NOL4: variants seen among roughly 807,000 people sequenced by gnomAD.
The protein encoded by NOL4 is nucleolar protein 4.
In NOL4, 17 loss-of-function variants were observed where a neutral mutation model predicts 75.9. The ratio of observed to expected loss-of-function variants is 0.22; its 90% CI spans 0.15 to 0.34. NOL4 has a LOEUF of 0.34. Ranked by LOEUF, NOL4 falls within the 10% of genes least tolerant of loss-of-function variation. The probability of loss-of-function intolerance (pLI) is 1.00; values close to 1 mark genes in which losing one functional copy is unlikely to be tolerated. For synonymous variants in NOL4, 292 were observed against 289.9 expected (o/e 1.01, Z -0.07); for missense variants, 614 against 793.5 (o/e 0.77, Z 2.72).
chr18:34,128,738 G>C (rs1052779603), intron 2 of NOL4: 5 of 229,474 alleles, frequency 2.2e-5, no homozygotes, highest in Non-Finnish European at 3.6e-5. Flanking sequence ...ATGTATTAGG[G>C]GTTATTATGC....
At chr18:33,896,064 G>A (rs116844291) in intron 9 of NOL4, among the ~76,000 whole-genome samples, 2,824 of 151,898 alleles carry the variant, frequency 0.019, 43 homozygotes, top group Non-Finnish European at 0.026. Context: ...GACTCAAAAA[G>A]AATAAAATAC....
chr18:34,105,958 A>G (rs1423075780), intron 2 of NOL4, among the ~76,000 whole-genome samples: 1 of 152,084 alleles, frequency 6.6e-6, no homozygotes, highest in Non-Finnish European at 1.5e-5. Flanking sequence ...CTTATGTGAA[A>G]CTGATAGATA....
Position 33,958,272 on chromosome 18 carries a change from G to T in NOL4, c.1203C>A (p.Asp401Glu), listed in dbSNP as rs141277558. 1.2e-5 allele frequency: 19 copies of T among 1,613,522 alleles called. No individual in the cohort carries two copies. The highest frequency in any genetic ancestry group is 1.7e-5 in the Admixed American group (1 of 59,978). ...HDDSEKVNET[D>E]GVEAERLKAF... is the part of the protein sequence containing the mutation. Reference sequence around the variant, plus strand: ...CTTTCAGCCGCTCGGCTTCAACGCCGTCTGTCTCATTAACTTTCTCCGAAT... The same window carrying T: ...CTTTCAGCCGCTCGGCTTCAACGCCTTCTGTCTCATTAACTTTCTCCGAAT... Residue 401 changes from aspartate to glutamate, a missense_variant, in exon 7 of 11, where the codon GAC becomes GAA. Physicochemically the swap from Asp to Glu is conservative, Grantham distance 45. This residue lies in a region of NOL4 where 196 missense variants were observed against 167.9 expected (regional missense o/e 1.17). Transcript: ENST00000261592.
chr18:33,883,770 C>T (rs115468447), intron 9 of NOL4, among the ~76,000 whole-genome samples: 2,161 of 152,118 alleles, frequency 0.014, 50 homozygotes, highest in African/African-American at 0.049. Context: ...AAATAGAATA[C>T]TATACAGCTT....
chr18:34,039,844 A>C (rs62097847), intron 5 of NOL4, among the ~76,000 whole-genome samples: 69,343 of 151,810 alleles, frequency 0.46, 16,011 homozygotes, highest in South Asian at 0.52. Context: ...CAGTTGAAAG[A>C]GCATTTTGAG....
intron 1 of NOL4, among the ~76,000 whole-genome samples, chr18:34,144,560 A>C (rs574446672): frequency 3.9e-5 from 6 of 152,274 alleles, no homozygotes; most frequent in African/African-American, 1.4e-4. Context: ...AGTGATAGCA[A>C]GTCTGTGCTC....
At chr18:34,051,248 T>A (rs961138922) in intron 5 of NOL4, among the ~76,000 whole-genome samples, 4 of 152,072 alleles carry the variant, frequency 2.6e-5, no homozygotes, top group Non-Finnish European at 4.4e-5. Flanking sequence ...ATATTTTTAA[T>A]AAAATCTATA....
At chr18:33,939,756 C>T (rs771123580) in intron 9 of NOL4, among the ~76,000 whole-genome samples, 1 of 151,928 alleles carries the variant, frequency 6.6e-6, no homozygotes, top group Non-Finnish European at 1.5e-5. Flanking sequence ...ATTTAAATAC[C>T]CTTTCTTTCT....
At chr18:33,862,664 GA>G (rs913390119) in intron 10 of NOL4, among the ~76,000 whole-genome samples, 7 of 152,144 alleles carry the variant, frequency 4.6e-5, no homozygotes, top group Non-Finnish European at 7.4e-5. Context: ...AAAAACACAT[GA>G]AAAAATGCTC....
intron 1 of NOL4, among the ~76,000 whole-genome samples, chr18:34,141,141 T>A (rs1467643805): frequency 6.6e-6 from 1 of 152,120 alleles, no homozygotes; most frequent in East Asian, 1.9e-4. Flanking sequence ...GTGAAGGACC[T>A]CTTCAAGGAG....
intron 6 of NOL4, among the ~76,000 whole-genome samples, chr18:33,968,387 C>T (rs1487802350): frequency 1.3e-5 from 2 of 152,066 alleles, no homozygotes; most frequent in Non-Finnish European, 2.9e-5. Context: ...AATTTAGGTG[C>T]CCATCAGTGG....
Position 33,871,730 on chromosome 18 carries a change from T to G in NOL4, c.1723+11514A>C, listed in dbSNP as rs527316944. Among the ~76,000 whole-genome samples, 35 of 152,110 alleles carry G rather than the reference T, an allele frequency of 2.3e-4. 1 individual carries two copies. The South Asian group carries it at 7.0e-3, about 31-fold the overall frequency. Reference sequence around the variant, plus strand: ...CTCTTAAGAGTATATAAATATCCATTTTACTGTACAGTTAGAGAACAGGCT... The same window carrying G: ...CTCTTAAGAGTATATAAATATCCATGTTACTGTACAGTTAGAGAACAGGCT... On this transcript the variant is annotated intron_variant, in intron 10 of 10. Transcript: ENST00000261592.
intron 9 of NOL4, among the ~76,000 whole-genome samples, chr18:33,884,815 T>C (rs764362026): frequency 1.3e-5 from 2 of 152,112 alleles, no homozygotes; most frequent in Non-Finnish European, 2.9e-5. Flanking sequence ...GTTTGCTCTA[T>C]TGAAACAGTA....
At chr18:33,943,286 C>A in intron 8 of NOL4, 108 bp from the exon 9 acceptor site, 1 of 668,032 alleles carries the variant, frequency 1.5e-6, no homozygotes, top group Non-Finnish European at 2.6e-6. Context: ...GCAGGAATAT[C>A]CATTTATTTC....
At chr18:34,005,611 G>A (rs569724769) in intron 6 of NOL4, among the ~76,000 whole-genome samples, 3 of 152,094 alleles carry the variant, frequency 2.0e-5, no homozygotes, top group East Asian at 1.9e-4. Context: ...TGGCTCTTAC[G>A]CCTGTCCTCT....
rs533548941 is a variant in NOL4, at chr18:34,010,430, T to C, written c.1056+8888A>G. Among the ~76,000 whole-genome samples the C allele has an allele frequency of 2.0e-5, 3 of 152,014 alleles. No homozygotes were observed. The South Asian group carries it at 6.2e-4, about 31-fold the overall frequency. On this transcript the variant is annotated intron_variant, in intron 6 of 10. Coordinates refer to ENST00000261592, the MANE Select transcript of NOL4 (RefSeq NM_003787.5). ...TAGACACTTCGGTTGATTCCAAATC[T>C]TAGCAACTGTGAATAGTGCTGCAAT... is the stretch of plus-strand genomic sequence containing the variant.
intron 5 of NOL4, among the ~76,000 whole-genome samples, chr18:34,031,735 G>A (rs533316209): frequency 1.3e-5 from 2 of 152,180 alleles, no homozygotes; most frequent in Non-Finnish European, 2.9e-5. Flanking sequence ...AATCAACTGG[G>A]TGTCAGATGC....
At chr18:34,104,688 T>A (rs1021082577) in intron 3 of NOL4, among the ~76,000 whole-genome samples, 3 of 151,982 alleles carry the variant, frequency 2.0e-5, no homozygotes, top group African/African-American at 7.2e-5. Context: ...GTAAAGAAAC[T>A]CCACATTATT....
chr18:34,184,528 G>T (rs1283709699), intron 1 of NOL4, among the ~76,000 whole-genome samples: 3 of 152,002 alleles, frequency 2.0e-5, no homozygotes, highest in Non-Finnish European at 4.4e-5. Context: ...AAGTGGGAGT[G>T]GTTATGATGG....
Sources: allele counts gnomAD v4.1 joint callset (sites outside exome capture counted in the v4.1 genomes callset), GRCh38; gene constraint gnomAD v4.1.1; regional missense constraint gnomAD v4.1.1; transcripts MANE v1.5; gene names NCBI Gene and HGNC (gene_info 2026-07-23, HGNC 2026-07-21).